The following ARB2A variants were observed in gnomAD, a reference collection of about 807,000 sequenced individuals.
The protein encoded by ARB2A is ARB2 cotranscriptional regulator A, also known as cotranscriptional regulator ARB2A.
At chr5:93,965,382 A>G in the ARB2A span, among the ~76,000 whole-genome samples, 1 of 152,056 alleles carries the variant, frequency 6.6e-6, no homozygotes, top group Non-Finnish European at 1.5e-5. Flanking sequence ...CCTTATAAGC[A>G]GTAAACGAAT....
the ARB2A span, among the ~76,000 whole-genome samples, chr5:93,836,355 GC>G: frequency 6.6e-6 from 1 of 152,300 alleles, no homozygotes; most frequent in East Asian, 1.9e-4. Flanking sequence ...TCAGCAATTG[GC>G]CAGTGGAGTA....
chr5:94,078,390 A>C, the ARB2A span, among the ~76,000 whole-genome samples: 1 of 152,170 alleles, frequency 6.6e-6, no homozygotes, highest in African/African-American at 2.4e-5. Context: ...TTTATAAGGA[A>C]CCAAAAGACC....
chr5:93,948,958 C>T, the ARB2A span, among the ~76,000 whole-genome samples: 3 of 152,102 alleles, frequency 2.0e-5, no homozygotes, highest in African/African-American at 7.2e-5. Context: ...CAGGGTCTTA[C>T]CTATATCCAG....
the ARB2A span, among the ~76,000 whole-genome samples, chr5:94,066,755 T>C: frequency 1.3e-5 from 2 of 152,090 alleles, no homozygotes; most frequent in African/African-American, 4.8e-5. Context: ...CTACCAAATG[T>C]CTAAAGAAAA....
At chr5:93,936,801 T>A in the ARB2A span, among the ~76,000 whole-genome samples, 1 of 152,192 alleles carries the variant, frequency 6.6e-6, no homozygotes, top group East Asian at 1.9e-4. Context: ...AAAATTTTAA[T>A]ATACCCAGTA....
the ARB2A span, among the ~76,000 whole-genome samples, chr5:94,010,905 G>A: frequency 6.6e-6 from 1 of 152,010 alleles, no homozygotes; most frequent in African/African-American, 2.4e-5. Context: ...AGGAAAATAC[G>A]CTACACAGGT....
the ARB2A span, chr5:93,805,765 C>G: frequency 1.8e-5 from 18 of 985,146 alleles, no homozygotes; most frequent in Non-Finnish European, 2.2e-5. Flanking sequence ...CTCATGGTCA[C>G]TTGCATTTGG....
At chr5:93,796,821 T>G in the ARB2A span, among the ~76,000 whole-genome samples, 1 of 152,178 alleles carries the variant, frequency 6.6e-6, no homozygotes, top group Non-Finnish European at 1.5e-5. Context: ...TCTGAAATAA[T>G]GAAAGTCTGC....
the ARB2A span, among the ~76,000 whole-genome samples, chr5:93,946,573 C>T: frequency 1.3e-5 from 2 of 152,048 alleles, no homozygotes; most frequent in Non-Finnish European, 2.9e-5. Flanking sequence ...ATTCCTGATT[C>T]TACCATAACA....
the ARB2A span, among the ~76,000 whole-genome samples, chr5:93,887,783 T>C: frequency 6.6e-6 from 1 of 151,922 alleles, no homozygotes; most frequent in Non-Finnish European, 1.5e-5. Flanking sequence ...AGATGCAGAA[T>C]ACTGTGCAAA....
the ARB2A span, among the ~76,000 whole-genome samples, chr5:93,667,009 A>T: frequency 1.3e-5 from 2 of 152,238 alleles, no homozygotes; most frequent in African/African-American, 4.8e-5. Context: ...ATGAATCTGT[A>T]AACTGTAGAT....
chr5:93,694,767 C>G, the ARB2A span, among the ~76,000 whole-genome samples: 1 of 152,184 alleles, frequency 6.6e-6, no homozygotes, highest in Non-Finnish European at 1.5e-5. Context: ...CTGGAGGCAT[C>G]ACGCTACCTG....
chr5:94,021,344 G>C, the ARB2A span, among the ~76,000 whole-genome samples: 2 of 152,120 alleles, frequency 1.3e-5, no homozygotes, highest in African/African-American at 4.8e-5. Context: ...CCACATATGT[G>C]TGCCCTTCTA....
At chr5:93,955,633 T>C in the ARB2A span, among the ~76,000 whole-genome samples, 1 of 152,274 alleles carries the variant, frequency 6.6e-6, no homozygotes, top group African/African-American at 2.4e-5. Context: ...ACTTTTTTAC[T>C]GATTTTATTA....
chr5:93,735,334 T>C, the ARB2A span: 2 of 152,196 alleles, frequency 1.3e-5, no homozygotes, highest in Non-Finnish European at 2.9e-5. Context: ...TGAAGCTGAT[T>C]AGTGACACAT....
chr5:93,875,300 C>T, the ARB2A span, among the ~76,000 whole-genome samples: 7 of 152,044 alleles, frequency 4.6e-5, no homozygotes, highest in South Asian at 1.0e-3. Context: ...GGCGTGATCT[C>T]GGCTGGCTGC....
chr5:93,682,069 TAAAG>T, the ARB2A span, among the ~76,000 whole-genome samples: 1 of 152,144 alleles, frequency 6.6e-6, no homozygotes, highest in East Asian at 1.9e-4. Context: ...TTATTTCACA[TAAAG>T]AAATAGCTTT....
chr5:93,943,410 T>G, the ARB2A span, among the ~76,000 whole-genome samples: 13,559 of 152,086 alleles, frequency 0.089, 782 homozygotes, highest in Middle Eastern at 0.16. Flanking sequence ...TATTTAAAAG[T>G]GCCAAGTAAT....
the ARB2A span, among the ~76,000 whole-genome samples, chr5:93,937,954 T>A: frequency 3.3e-5 from 5 of 152,076 alleles, no homozygotes; most frequent in African/African-American, 1.2e-4. Flanking sequence ...TTAAAAAAAT[T>A]TTTTTTTGAG....
Sources: allele counts gnomAD v4.1 joint callset (sites outside exome capture counted in the v4.1 genomes callset), GRCh38; gene constraint gnomAD v4.1.1; transcripts MANE v1.5; gene names NCBI Gene and HGNC (gene_info 2026-07-23, HGNC 2026-07-21).